CLVS1: variants seen among roughly 807,000 people sequenced by gnomAD.
CLVS1 encodes the protein clavesin-1.
CLVS1 carries 10 observed loss-of-function variants against 33.1 expected under a neutral mutation model. The observed-to-expected ratio is 0.30, with a 90% CI of 0.19 to 0.51. The LOEUF is 0.51. Among genes scored for constraint, CLVS1 ranks in the 20% least tolerant of loss-of-function variants. CLVS1 has a pLI of 0.97. For missense variants in CLVS1, 343 were observed against 433.4 expected (o/e 0.79, Z 1.85); for synonymous variants, 163 against 166.1 (o/e 0.98, Z 0.14).
At chr8:61,353,840 G>A (rs1161611771) in intron 2 of CLVS1, among the ~76,000 whole-genome samples, 1 of 151,324 alleles carries the variant, frequency 6.6e-6, no homozygotes, top group African/African-American at 2.4e-5. Flanking sequence ...TAAACCTCTA[G>A]CTAGACTGAC....
chr8:61,316,419 A>G (rs550844286), intron 2 of CLVS1, among the ~76,000 whole-genome samples: 1 of 152,316 alleles, frequency 6.6e-6, no homozygotes, highest in African/African-American at 2.4e-5. Flanking sequence ...GAAGTTTAAG[A>G]ATCACCATAT....
upstream of CLVS1, among the ~76,000 whole-genome samples, chr8:61,283,505 A>C (rs1423323429): frequency 6.6e-6 from 1 of 152,178 alleles, no homozygotes; most frequent in Non-Finnish European, 1.5e-5. Flanking sequence ...AGTAGGACCA[A>C]ATTTCTTATA....
In CLVS1 at chr8:61,300,179, A is replaced by G; in HGVS notation, c.352A>G (p.Ile118Val). 6.2e-7 allele frequency: 1 copy of G among 1,614,032 alleles called. No homozygotes were observed. The highest frequency in any genetic ancestry group is 8.5e-7 in the Non-Finnish European group (1 of 1,179,974). ...FKNFKADDPG[I>V]KRALIDGFPG... ...AAACTTCAAGGCAGATGATCCCGGC[A>G]TTAAGAGGGCTCTGATCGATGGGTT... is the stretch of plus-strand genomic sequence containing the variant. The change falls in exon 2 of 6, where the codon ATT becomes GTT. Residue 118 changes from isoleucine to valine, a missense_variant. This residue lies in a region of CLVS1 where 166 missense variants were observed against 244.0 expected (regional missense o/e 0.68). Coordinates refer to ENST00000325897, the MANE Select transcript of CLVS1 (RefSeq NM_173519.3).
At chr8:60,994,070 GA>G in the CLVS1 span, among the ~76,000 whole-genome samples, 57 of 152,224 alleles carry the variant, frequency 3.7e-4, no homozygotes, top group Non-Finnish European at 6.8e-4. Context: ...TTAAACAGCA[GA>G]AATGTGTTTC....
chr8:61,270,531 A>T (rs901186001), intron 2 of CLVS1, among the ~76,000 whole-genome samples: 6 of 152,162 alleles, frequency 3.9e-5, no homozygotes, highest in African/African-American at 1.4e-4. Context: ...GGCCTCATAA[A>T]ATGAGTTAGG....
At chr8:61,032,657 G>A in the CLVS1 span, among the ~76,000 whole-genome samples, 4 of 152,084 alleles carry the variant, frequency 2.6e-5, no homozygotes, top group Admixed American at 1.3e-4. Context: ...TCTGTGAAGC[G>A]CCTCTTCCAT....
At chr8:61,222,344 C>T (rs1808234931) in intron 2 of CLVS1, among the ~76,000 whole-genome samples, 1 of 152,110 alleles carries the variant, frequency 6.6e-6, no homozygotes, top group South Asian at 2.1e-4. Flanking sequence ...TCTCTTAATA[C>T]TGCCTTAGCT....
At chr8:61,010,150 C>T in the CLVS1 span, among the ~76,000 whole-genome samples, 1 of 152,140 alleles carries the variant, frequency 6.6e-6, no homozygotes, top group African/African-American at 2.4e-5. Flanking sequence ...TACTCTTGCT[C>T]CATTCACCTC....
At chr8:61,393,322 A>C (rs182731381) in intron 3 of CLVS1, among the ~76,000 whole-genome samples, 1 of 152,170 alleles carries the variant, frequency 6.6e-6, no homozygotes. Context: ...TTAAAAAAAA[A>C]ATCTCTTTAA....
the CLVS1 span, among the ~76,000 whole-genome samples, chr8:61,016,773 A>G: frequency 6.6e-6 from 1 of 152,338 alleles, no homozygotes; most frequent in East Asian, 1.9e-4. Context: ...AGAATACAGA[A>G]GGCTTGTGGT....
At chr8:61,466,193 A>G (rs1441490888) in intron 5 of CLVS1, among the ~76,000 whole-genome samples, 3 of 152,238 alleles carry the variant, frequency 2.0e-5, no homozygotes, top group Non-Finnish European at 4.4e-5. Context: ...GCAAGAAAGA[A>G]GAAAACCCAA....
chr8:61,339,768 A>G (rs2129598060), intron 2 of CLVS1, among the ~76,000 whole-genome samples: 1 of 143,644 alleles, frequency 7.0e-6, no homozygotes, highest in East Asian at 2.1e-4. Flanking sequence ...GGAGAAAGAG[A>G]GGGAAGGAAA....
chr8:61,063,801 C>T (rs1458315481), intron 1 of CLVS1, among the ~76,000 whole-genome samples: 1 of 152,106 alleles, frequency 6.6e-6, no homozygotes, highest in Non-Finnish European at 1.5e-5. Flanking sequence ...TTTACAATGC[C>T]GCACAATCAT....
At chr8:61,350,076 A>T (rs1453253374) in intron 2 of CLVS1, among the ~76,000 whole-genome samples, 1 of 152,146 alleles carries the variant, frequency 6.6e-6, no homozygotes, top group Non-Finnish European at 1.5e-5. Context: ...AAGGATATAG[A>T]ATTTCAGTTA....
At chr8:60,985,255 CTG>C in the CLVS1 span, among the ~76,000 whole-genome samples, 1 of 152,190 alleles carries the variant, frequency 6.6e-6, no homozygotes, top group African/African-American at 2.4e-5. Flanking sequence ...TTTCAATCCG[CTG>C]TGAGTCCCCA....
chr8:61,102,637 G>A lies in CLVS1; in HGVS notation c.-242-29133G>A, dbSNP rs139052137. On this transcript the variant is annotated intron_variant, in intron 1 of 2. Transcript: ENST00000522621. ...GGCTGAAAATTATAACTTCTTGAGAGGGTACTATAGACCATAGTAAAAAGC... is the reference window on the plus strand; with the variant it reads ...GGCTGAAAATTATAACTTCTTGAGAAGGTACTATAGACCATAGTAAAAAGC... 4.6e-3 allele frequency among the ~76,000 whole-genome samples: 695 copies of A among 152,256 alleles called. 2 individuals are homozygous for A. The highest frequency in any genetic ancestry group is 8.6e-3 in the Non-Finnish European group (588 of 68,012).
chr8:61,488,211 T>C (rs1007224940), intron 5 of CLVS1, among the ~76,000 whole-genome samples: 6 of 152,178 alleles, frequency 3.9e-5, no homozygotes, highest in Non-Finnish European at 7.3e-5. Flanking sequence ...CAAAAACGTA[T>C]GTAGTAGCGC....
At chr8:61,059,893 C>T (rs772703203) in intron 1 of CLVS1, among the ~76,000 whole-genome samples, 25 of 152,052 alleles carry the variant, frequency 1.6e-4, no homozygotes, top group Non-Finnish European at 1.6e-4. Flanking sequence ...TTCTTACTCA[C>T]ACAATGTGAG....
At chr8:60,965,192 A>G in the CLVS1 span, 1 of 152,138 alleles carries the variant, frequency 6.6e-6, no homozygotes, top group African/African-American at 2.4e-5. Context: ...AGTGCTGCCT[A>G]TTAGTTTAGG....
Sources: gnomAD v4.1 joint callset for allele counts (sites outside exome capture counted in the v4.1 genomes callset) on GRCh38, gnomAD v4.1.1 for gene constraint, gnomAD v4.1.1 regional missense constraint, MANE v1.5 for transcripts, NCBI Gene and HGNC (gene_info 2026-07-23, HGNC 2026-07-21) for gene names.